ABCB1: variants seen among roughly 807,000 people sequenced by gnomAD.
The protein encoded by ABCB1 is ATP-dependent translocase ABCB1.
ABCB1 carries 69 observed loss-of-function variants against 142.0 expected under a neutral mutation model. The observed-to-expected ratio is 0.49, with a 90% confidence interval of 0.40 to 0.59. The LOEUF is 0.59. Ranked by LOEUF, ABCB1 falls within the 20% of genes least tolerant of loss-of-function variation. ABCB1 has a pLI of 0.00. For missense variants in ABCB1, 1,326 were observed against 1,554.7 expected, an observed-to-expected ratio of 0.85 and a Z score of 2.47; for synonymous variants, 532 against 539.2, an observed-to-expected ratio of 0.99 and a Z score of 0.18.
intron 25 of ABCB1, among the ~76,000 whole-genome samples, chr7:87,514,125 A>G (rs1815131442): frequency 6.6e-6 from 1 of 152,226 alleles, no homozygotes; most frequent in Non-Finnish European, 1.5e-5. Context: ...GCTGTGAGGA[A>G]GTAAAAAGAG....
intron 1 of ABCB1, among the ~76,000 whole-genome samples, chr7:87,678,437 A>G (rs1029535454): frequency 2.6e-5 from 4 of 152,226 alleles, no homozygotes; most frequent in Non-Finnish European, 5.9e-5. Context: ...GTTCTATTTC[A>G]TAAAGTAGTG....
In ABCB1 at chr7:87,626,424, CATATGTATGTGTCATATATGTGTCAT is replaced by C. The variant is rs1563080682; in HGVS notation, c.-330-25372_-330-25347del. Reference sequence around the variant, plus strand: ...ATATGTATGTGTCATATATATGTGTCATATGTATGTGTCATATATGTGTCATATATATGTGTCATATATGTGTCATA... The same window carrying C: ...ATATGTATGTGTCATATATATGTGTCATATATGTGTCATATATGTGTCATA... On this transcript the variant is annotated intron_variant, in intron 1 of 28. Coordinates refer to the ABCB1 transcript ENST00000265724. Among the ~76,000 whole-genome samples the C allele has an allele frequency of 2.9e-3, 57 of 19,480 alleles. 12 individuals are homozygous for C. Among genetic ancestry groups the C allele is most frequent in the Non-Finnish European group, 3.4e-3 (48 of 14,292 alleles). The allele number at this position is 19,480 out of a possible 152,430, so 12.8% of individuals were successfully genotyped here. A position where few individuals can be genotyped will look rare whatever the true frequency, so the allele number is the denominator to read the frequency against.
In ABCB1 at chr7:87,585,576, T is replaced by C; in HGVS notation, c.222A>G (p.Glu74=). ...CTGCATTTGCAAAGATATCTGTCATTTCTCCAAACACCAGCATCATGAGAG... is the reference window on the plus strand; with the variant it reads ...CTGCATTTGCAAAGATATCTGTCATCTCTCCAAACACCAGCATCATGAGAG... ...GLPLMMLVFG[E]MTDIFANAGN... Residue 74 remains glutamate (E), a synonymous_variant, in exon 4 of 28, where the codon GAA becomes GAG. Coordinates refer to ENST00000622132, the MANE Select transcript of ABCB1 (RefSeq NM_001348946.2). 6.2e-7 allele frequency: 1 copy of C among 1,614,060 alleles called. No homozygotes were observed. The highest frequency in any genetic ancestry group is 1.1e-5 in the South Asian group (1 of 91,086).
chr7:87,523,578 C>T (rs981283436), intron 21 of ABCB1, among the ~76,000 whole-genome samples: 3 of 152,128 alleles, frequency 2.0e-5, no homozygotes, highest in African/African-American at 4.8e-5. Flanking sequence ...GTCAAGATGG[C>T]GTCACTGCAC....
At chr7:87,549,098 C>T (rs1374948278) in intron 14 of ABCB1, among the ~76,000 whole-genome samples, 1 of 152,012 alleles carries the variant, frequency 6.6e-6, no homozygotes, top group Admixed American at 6.6e-5. Context: ...AAAAGATTAG[C>T]AAGTGTCTTC....
chr7:87,522,082 G>A (rs1815534708), intron 21 of ABCB1: 4 of 1,186,712 alleles, frequency 3.4e-6, no homozygotes, highest in Non-Finnish European at 5.0e-6. Flanking sequence ...TGGTCGTGGA[G>A]GTAGTTTCGG....
At chr7:87,537,652 T>C (rs1280464741) in intron 19 of ABCB1, among the ~76,000 whole-genome samples, 1 of 152,160 alleles carries the variant, frequency 6.6e-6, no homozygotes, top group Non-Finnish European at 1.5e-5. Context: ...AGACATCCAA[T>C]AGAGAGGTTG....
intron 1 of ABCB1, among the ~76,000 whole-genome samples, chr7:87,661,274 ACT>A (rs1470576455): frequency 1.3e-5 from 2 of 151,642 alleles, no homozygotes; most frequent in East Asian, 1.9e-4. Flanking sequence ...ATTCAATTAT[ACT>A]CTTTTAGTTA....
chr7:87,566,001 C>T (rs1016857661), intron 7 of ABCB1, 69 bp downstream of exon 7: 1 of 1,560,090 alleles, frequency 6.4e-7, no homozygotes, highest in African/African-American at 1.4e-5. Flanking sequence ...GTAAAAAGAC[C>T]TTTCCGTAGG....
At chr7:87,682,415 A>T (rs1827016792) in intron 1 of ABCB1, among the ~76,000 whole-genome samples, 1 of 152,142 alleles carries the variant, frequency 6.6e-6, no homozygotes, top group Admixed American at 6.5e-5. Flanking sequence ...CCATCAGAAG[A>T]CTCATTGTCT....
intron 4 of ABCB1, among the ~76,000 whole-genome samples, chr7:87,579,355 G>A (rs879897155): frequency 1.3e-5 from 2 of 151,998 alleles, no homozygotes; most frequent in African/African-American, 4.8e-5. Context: ...ACTAGCTGTG[G>A]GTCTGTTTAT....
At chr7:87,709,213 T>C in intron 1 of ABCB1, 1 of 983,370 alleles carries the variant, frequency 1.0e-6, no homozygotes, top group Non-Finnish European at 1.2e-6. Flanking sequence ...AGCAAGATTT[T>C]CCCTACATTT....
chr7:87,522,056 C>G (rs1490484537), intron 21 of ABCB1: 2 of 1,068,658 alleles, frequency 1.9e-6, no homozygotes, highest in Non-Finnish European at 2.9e-6. Flanking sequence ...CAAAGCAGCT[C>G]TGGGAACTTT....
At chr7:87,665,716 A>G (rs1825161995) in intron 1 of ABCB1, among the ~76,000 whole-genome samples, 1 of 152,030 alleles carries the variant, frequency 6.6e-6, no homozygotes, top group Non-Finnish European at 1.5e-5. Context: ...AGTAGACCTC[A>G]GAGTTTGTTG....
At chr7:87,561,134 T>C (rs899532588) in intron 8 of ABCB1, 129 bp downstream of exon 8, 3 of 1,060,746 alleles carry the variant, frequency 2.8e-6, no homozygotes, top group Admixed American at 2.7e-5. Flanking sequence ...TATGCTGTAA[T>C]ACATCCATTA....
At chr7:87,524,336 C>T (rs1038012388) in intron 21 of ABCB1, among the ~76,000 whole-genome samples, 2 of 152,082 alleles carry the variant, frequency 1.3e-5, no homozygotes, top group African/African-American at 4.8e-5. Flanking sequence ...TTCTTTTACA[C>T]ATTATAAAAA....
chr7:87,525,125 C>G (rs971765549), intron 21 of ABCB1, among the ~76,000 whole-genome samples: 1 of 152,088 alleles, frequency 6.6e-6, no homozygotes, highest in South Asian at 2.1e-4. Flanking sequence ...ATTAGCACCC[C>G]GCATCCTCAC....
chr7:87,550,382 A>G, intron 11 of ABCB1, 86 bp from the exon 12 acceptor site: 3 of 1,606,808 alleles, frequency 1.9e-6, no homozygotes, highest in Non-Finnish European at 2.6e-6. Context: ...TTAAATATAC[A>G]TGCACTTTTT....
Position 87,516,474 on chromosome 7 carries a change from A to G in ABCB1, c.3084+35T>C, listed in dbSNP as rs766924504. On this transcript the variant is annotated intron_variant, in intron 24 of 27. Coordinates refer to ENST00000622132, the MANE Select transcript of ABCB1 (RefSeq NM_001348946.2). ...CTTAAAATACTTTCATTCAGGAGTCAGGAGTAGATCAAACAGTTGAAACAT... is the reference window on the plus strand; with the variant it reads ...CTTAAAATACTTTCATTCAGGAGTCGGGAGTAGATCAAACAGTTGAAACAT... 5.1e-5 allele frequency: 83 copies of G among 1,613,442 alleles called. No homozygotes were observed. In the Admixed American group the frequency reaches 1.4e-3, roughly 27 times the overall value.
Sources: gnomAD v4.1 joint callset for allele counts (sites outside exome capture counted in the v4.1 genomes callset) on GRCh38, gnomAD v4.1.1 for gene constraint, MANE v1.5 for transcripts, NCBI Gene and HGNC (gene_info 2026-07-23, HGNC 2026-07-21) for gene names.